Variants in DMRT3 observed in about 807,000 individuals in gnomAD.
DMRT3 encodes doublesex and mab-3 related transcription factor 3.
Under a neutral mutation model 34.9 loss-of-function variants are expected in DMRT3, and 29 were observed. That is an observed-to-expected ratio of 0.83 (90% CI 0.62 to 1.13). The LOEUF (loss-of-function observed/expected upper bound fraction) is 1.13. Ranked by LOEUF, DMRT3 falls within the 50% of genes most tolerant of loss-of-function variation. DMRT3 has a pLI of 0.00. For synonymous variants in DMRT3, 350 were observed against 286.0 expected, an observed-to-expected ratio of 1.22 and a Z score of -2.26; for missense variants, 772 against 629.1, an observed-to-expected ratio of 1.23 and a Z score of -2.43.
Position 977,408 on chromosome 9 carries a change from C to A in DMRT3, c.407C>A (p.Thr136Asn). The A allele has an allele frequency of 7.9e-7, 1 of 1,259,558 alleles. No individual in the cohort carries two copies. Among genetic ancestry groups the A allele is most frequent in the Non-Finnish European group, 9.9e-7 (1 of 1,005,220 alleles). The allele number at this position is 1,259,558 out of a possible 1,614,324, so 78.0% of individuals were successfully genotyped here. The change falls in exon 1 of 2, where the codon ACT becomes AAT. Residue 136 changes from threonine (T) to asparagine (N), a missense_variant. Coordinates refer to ENST00000190165, the MANE Select transcript of DMRT3 (RefSeq NM_021240.4). ...ELAAAAALRWTAEPQPGALQA... is the reference protein window; with the variant it reads ...ELAAAAALRWNAEPQPGALQA... ...GCCGCGGCCGCCGCGCTGCGTTGGA[C>A]TGCCGAGCCGCAGCCCGGGGCTCTG...
chr9:990,686 G>C lies in DMRT3; in HGVS notation c.1100G>C (p.Arg367Pro), dbSNP rs77795589. The C allele has an allele frequency of 6.8e-6, 11 of 1,613,848 alleles. No homozygotes were observed. The South Asian group carries it at 1.2e-4, about 18-fold the overall frequency. Residue 367 changes from arginine to proline, a missense_variant, in exon 2 of 2, where the codon CGG (arginine) becomes CCG (proline). Coordinates refer to ENST00000190165, the MANE Select transcript of DMRT3 (RefSeq NM_021240.4). ...CAGCCCCCTTTCCCCCAGCCACCCC[G>C]GTACCCGCTGATGCTGAGGAATACT... ...PLQPPFPQPP[R>P]YPLMLRNTLA... is the part of the protein sequence containing the mutation.
rs1000237282 is a variant in DMRT3, at chr9:976,763, A to C, written c.-239A>C. Among the ~76,000 whole-genome samples, 22 of 152,084 alleles carry C rather than the reference A, an allele frequency of 1.4e-4. No homozygotes were observed. Among genetic ancestry groups the C allele is most frequent in the African/African-American group, 5.3e-4 (22 of 41,440 alleles). On this transcript the variant is annotated 5_prime_UTR_variant, in exon 1 of 2. Transcript: ENST00000190165. This position sits in a 1 kb window ranked among gnomAD's most constrained non-coding sequence, Gnocchi z 4.5. The stretch of plus-strand genomic sequence containing the variant: ...CGACCCGGCTGCGCGCCCAAGGCAG[A>C]GGCCCGCGTCGGCGTTGGCTGGGCG...
At position 976,872 on chromosome 9, in the gene DMRT3, C is replaced by T. The variant is rs1183650024; in HGVS notation, c.-130C>T. ...CCGGCCGCCCCGGAGCACACACGACCACCGGGGCTGCGGGACCAAGGGCCG... is the reference window on the plus strand; with the variant it reads ...CCGGCCGCCCCGGAGCACACACGACTACCGGGGCTGCGGGACCAAGGGCCG... On this transcript the variant is annotated 5_prime_UTR_variant, in exon 1 of 2. Transcript: ENST00000190165. The surrounding 1 kb of genome is among the most constrained non-coding windows in gnomAD (Gnocchi z 4.5). 2.0e-6 allele frequency: 2 copies of T among 1,022,426 alleles called. No individual in the cohort carries two copies. The highest frequency in any genetic ancestry group is 1.7e-5 in the African/African-American group (1 of 58,700). The allele number at this position is 1,022,426 out of a possible 1,614,324, so 63.3% of individuals were successfully genotyped here. A position where few individuals can be genotyped will look rare whatever the true frequency, so the allele number is the denominator to read the frequency against.
chr9:983,330 GT>G (rs1429894694), intron 1 of DMRT3, among the ~76,000 whole-genome samples: 1 of 152,132 alleles, frequency 6.6e-6, no homozygotes, highest in Non-Finnish European at 1.5e-5. Context: ...ACTTTGTTTA[GT>G]TCAGTATATA....
rs1180560285 is a variant in DMRT3 at position 976,862 on chromosome 9, C to A, written c.-140C>A. On this transcript the variant is annotated 5_prime_UTR_variant, in exon 1 of 2. Coordinates refer to ENST00000190165, the MANE Select transcript of DMRT3 (RefSeq NM_021240.4). This position sits in a 1 kb window ranked among gnomAD's most constrained non-coding sequence, Gnocchi z 4.5. ...TGCGGCACCTCCGGCCGCCCCGGAG[C>A]ACACACGACCACCGGGGCTGCGGGA... The A allele has an allele frequency of 2.2e-6, 2 of 890,506 alleles. No individual in the cohort carries two copies. Among genetic ancestry groups the A allele is most frequent in the African/African-American group, 1.8e-5 (1 of 56,448 alleles). 55.2% of individuals were successfully genotyped at this position (890,506 alleles called of 1,614,324 possible).
Position 989,850 on chromosome 9 carries a change from T to C in DMRT3, c.455-191T>C, listed in dbSNP as rs1209860458. On this transcript the variant is annotated intron_variant, in intron 1 of 1. Coordinates refer to ENST00000190165, the MANE Select transcript of DMRT3 (RefSeq NM_021240.4). ...AGGAAGCCACTCTGATTTCTAGATC[T>C]TTATTTACAGGGTTTTTGTTTCATT... 5 of 659,136 alleles carry C rather than the reference T, an allele frequency of 7.6e-6. No homozygotes were observed. In the Admixed American group the frequency reaches 1.7e-4, roughly 23 times the overall value. The allele number at this position is 659,136 out of a possible 1,614,324, so 40.8% of individuals were successfully genotyped here.
At chr9:989,862 G>T in intron 1 of DMRT3, 179 bp from the exon 2 acceptor site, 2 of 708,260 alleles carry the variant, frequency 2.8e-6, no homozygotes, top group South Asian at 4.6e-5. Flanking sequence ...TATTTACAGG[G>T]TTTTTGTTTC....
chr9:982,266 A>T (rs1563688041), intron 1 of DMRT3, among the ~76,000 whole-genome samples: 1 of 152,018 alleles, frequency 6.6e-6, no homozygotes, highest in Non-Finnish European at 1.5e-5. Flanking sequence ...GGCGTCAGGG[A>T]GGTGCTGGGG....
intron 1 of DMRT3, among the ~76,000 whole-genome samples, chr9:984,343 C>T (rs1392954222): frequency 1.3e-5 from 2 of 152,124 alleles, no homozygotes. Context: ...AAATATTCCT[C>T]TCTGCTCGAG....
Position 976,879 on chromosome 9 carries a change from G to A in DMRT3, c.-123G>A, listed in dbSNP as rs1470319534. The A allele has an allele frequency of 1.8e-6, 2 of 1,083,324 alleles. No individual in the cohort carries two copies. The highest frequency in any genetic ancestry group is 2.4e-6 in the Non-Finnish European group (2 of 821,340). The allele number at this position is 1,083,324 out of a possible 1,614,324, so 67.1% of individuals were successfully genotyped here. ...CCCCGGAGCACACACGACCACCGGG[G>A]CTGCGGGACCAAGGGCCGCGTCGCC... On this transcript the variant is annotated 5_prime_UTR_variant, in exon 1 of 2. Transcript: ENST00000190165. This position sits in a 1 kb window ranked among gnomAD's most constrained non-coding sequence, Gnocchi z 4.5.
At position 977,000 on chromosome 9, in the gene DMRT3, G is replaced by A. The variant is rs982906865; in HGVS notation, c.-2G>A. ...CTGCCAACTCATTCGGGAGCCCGGG[G>A]CATGAACGGCTACGGCTCCCCCTAC... On this transcript the variant is annotated 5_prime_UTR_variant, in exon 1 of 2. Transcript: ENST00000190165. The surrounding 1 kb of genome is among the most constrained non-coding windows in gnomAD (Gnocchi z 4.5). 40 of 1,494,474 alleles carry A rather than the reference G, an allele frequency of 2.7e-5. No homozygotes were observed. Among genetic ancestry groups the A allele is most frequent in the Non-Finnish European group, 3.6e-5 (40 of 1,121,258 alleles). 92.6% of individuals were successfully genotyped at this position (1,494,474 alleles called of 1,614,324 possible).
rs1390334215 is a variant in DMRT3, at chr9:990,950, A to C, written c.1364A>C (p.Asp455Ala). Residue 455 changes from aspartate (D) to alanine (A), a missense_variant, in exon 2 of 2, where the codon GAC (aspartate) becomes GCC (alanine). By Grantham distance (126) the Asp-to-Ala change is moderately radical (BLOSUM62 -2). Coordinates refer to ENST00000190165, the MANE Select transcript of DMRT3 (RefSeq NM_021240.4). ...AAGCAGTCCATTTACACCGAGGACG[A>C]CTATGACGAGAGGTCTGACTCCTCA... is the stretch of plus-strand genomic sequence containing the variant. The part of the protein sequence containing the change: ...VSKQSIYTED[D>A]YDERSDSSDS... The C allele has an allele frequency of 2.5e-6, 4 of 1,614,004 alleles. No individual in the cohort carries two copies. The highest frequency in any genetic ancestry group is 1.3e-5 in the African/African-American group (1 of 74,910).
chr9:985,568 T>C (rs1478453523), intron 1 of DMRT3, among the ~76,000 whole-genome samples: 2 of 152,236 alleles, frequency 1.3e-5, no homozygotes, highest in Non-Finnish European at 2.9e-5. Context: ...TCACCCTCTA[T>C]AATTACCTGT....
chr9:983,254 A>G (rs572306970), intron 1 of DMRT3, among the ~76,000 whole-genome samples: 2 of 152,222 alleles, frequency 1.3e-5, no homozygotes, highest in African/African-American at 4.8e-5. Context: ...CTTGATTACA[A>G]CAACTAGGCA....
intron 1 of DMRT3, among the ~76,000 whole-genome samples, chr9:986,579 G>A (rs1746293492): frequency 6.6e-6 from 1 of 152,080 alleles, no homozygotes; most frequent in Non-Finnish European, 1.5e-5. Context: ...AAGCTATTTG[G>A]TTCATATATT....
At chr9:982,777 C>T (rs1820237653) in intron 1 of DMRT3, among the ~76,000 whole-genome samples, 1 of 152,236 alleles carries the variant, frequency 6.6e-6, no homozygotes, top group Non-Finnish European at 1.5e-5. Flanking sequence ...CAGCAAAAAA[C>T]CATGGGCCTG....
chr9:990,747 T>A lies in DMRT3; in HGVS notation c.1161T>A (p.Asn387Lys). The A allele has an allele frequency of 1.2e-6, 2 of 1,614,116 alleles. No homozygotes were observed. Among genetic ancestry groups the A allele is most frequent in the Non-Finnish European group, 1.7e-6 (2 of 1,180,018 alleles). Residue 387 changes from asparagine to lysine, a missense_variant, in exon 2 of 2, where the codon AAT (asparagine) becomes AAA (lysine). Physicochemically the swap from Asn to Lys is moderately conservative, Grantham distance 94. Coordinates refer to ENST00000190165, the MANE Select transcript of DMRT3 (RefSeq NM_021240.4). ...GCCAGTCGAGCCCCTTTTTGCCCAA[T>A]GATGTCACCCTGTGGAACACCATGA... Reference protein sequence around the residue: ...ARSQSSPFLPNDVTLWNTMTL... With the variant: ...ARSQSSPFLPKDVTLWNTMTL...
Position 976,897 on chromosome 9 carries a change from G to T in DMRT3, c.-105G>T, listed in dbSNP as rs950148737. On this transcript the variant is annotated 5_prime_UTR_variant, in exon 1 of 2. Transcript: ENST00000190165. This position sits in a 1 kb window ranked among gnomAD's most constrained non-coding sequence, Gnocchi z 4.5. ...CACCGGGGCTGCGGGACCAAGGGCC[G>T]CGTCGCCCGGAGGCCGCCCCTGAGC... 7.2e-6 allele frequency: 9 copies of T among 1,253,424 alleles called. No individual in the cohort carries two copies. In the Admixed American group the frequency reaches 1.5e-4, roughly 21 times the overall value. The allele number at this position is 1,253,424 out of a possible 1,614,324, so 77.6% of individuals were successfully genotyped here. A position where few individuals can be genotyped will look rare whatever the true frequency, so the allele number is the denominator to read the frequency against.
intron 1 of DMRT3, among the ~76,000 whole-genome samples, chr9:987,412 CTGTGTGTGTGTGTGTGTGTGTGTG>C (rs6150885): frequency 1.1e-3 from 166 of 149,612 alleles, no homozygotes; most frequent in Admixed American, 1.7e-3. Flanking sequence ...TAATATCCCA[CTGTGTGTGTGTGTGTGTGTGTGTG>C]TGTGTGTGTG....
Sources: gnomAD v4.1 joint callset for allele counts (sites outside exome capture counted in the v4.1 genomes callset) on GRCh38, gnomAD v4.1.1 for gene constraint, Gnocchi (gnomAD v3.1) non-coding constraint, MANE v1.5 for transcripts, NCBI Gene and HGNC (gene_info 2026-07-23, HGNC 2026-07-21) for gene names.